PCDH11X: variants seen among roughly 807,000 people sequenced by gnomAD.
PCDH11X encodes the protein protocadherin-11 X-linked.
Under a neutral mutation model 53.3 loss-of-function variants are expected in PCDH11X, and 18 were observed. The ratio of observed to expected loss-of-function variants is 0.34; its 90% CI spans 0.23 to 0.50. PCDH11X has a LOEUF of 0.50. Ranked by LOEUF, PCDH11X falls within the 20% of genes least tolerant of loss-of-function variation. PCDH11X has a pLI of 0.98. For missense variants in PCDH11X, 570 were observed against 1,032.4 expected (o/e 0.55, Z 6.14); for synonymous variants, 279 against 393.3 (o/e 0.71, Z 3.44).
At chrX:92,261,025 TAAAAC>T (rs2148412852) in intron 7 of PCDH11X, among the ~76,000 whole-genome samples, 1 of 111,746 alleles carries the variant, frequency 8.9e-6, no homozygotes, top group South Asian at 3.8e-4. Context: ...ATATCTCTAT[TAAAAC>T]AGGAGTTGCT....
chrX:92,059,839 A>G lies in PCDH11X; in HGVS notation c.3034-141536A>G, dbSNP rs201647031. ...CTCTGCAAGCCTAGGCATCACTGCT[A>G]CTTAATCTTTCTGCTTACCTATTTC... On this transcript the variant is annotated intron_variant, in intron 6 of 10. Transcript: ENST00000682573. Among the ~76,000 whole-genome samples the G allele has an allele frequency of 2.7e-5, 3 of 110,119 alleles. No homozygotes were observed. In the South Asian group the frequency reaches 1.2e-3, roughly 43 times the overall value.
At chrX:92,298,787 G>T (rs757428300) in intron 8 of PCDH11X, among the ~76,000 whole-genome samples, 1 of 110,903 alleles carries the variant, frequency 9.0e-6, no homozygotes, top group Non-Finnish European at 1.9e-5. Flanking sequence ...GATGAACTAG[G>T]GGGGAAGAGA....
At chrX:92,255,015 G>C (rs1440956682) in intron 7 of PCDH11X, among the ~76,000 whole-genome samples, 44 of 95,706 alleles carry the variant, frequency 4.6e-4, no homozygotes, top group Admixed American at 3.5e-4. Flanking sequence ...AAGTTCTCCT[G>C]GATAATATCC....
intron 8 of PCDH11X, among the ~76,000 whole-genome samples, chrX:92,335,824 A>T (rs2069603710): frequency 9.0e-6 from 1 of 111,684 alleles, no homozygotes; most frequent in Non-Finnish European, 1.9e-5. Flanking sequence ...GTGTAGATAG[A>T]TAGATATTGG....
At chrX:92,576,011 TACACACAC>T (rs1243169398) in intron 10 of PCDH11X, among the ~76,000 whole-genome samples, 1 of 28,086 alleles carries the variant, frequency 3.6e-5, no homozygotes, top group East Asian at 7.7e-4. Flanking sequence ...TATATATATA[TACACACAC>T]ACACACACAC....
intron 6 of PCDH11X, among the ~76,000 whole-genome samples, chrX:91,914,346 A>G (rs761518290): frequency 9.0e-6 from 1 of 111,518 alleles, no homozygotes; most frequent in African/African-American, 3.3e-5. Context: ...ACACGGTTCT[A>G]TAACACCCCC....
chrX:91,892,234 G>C lies in PCDH11X; in HGVS notation c.3033+12961G>C, dbSNP rs191684160. The stretch of plus-strand genomic sequence containing the variant: ...CCAAAATACCCCTGACATTTGTCCC[G>C]TTGCCATTTCCTTTTTCCAGTCTTA... On this transcript the variant is annotated intron_variant, in intron 6 of 10. Transcript: ENST00000682573. Among the ~76,000 whole-genome samples, 699 of 106,230 alleles carry C rather than the reference G, an allele frequency of 6.6e-3. 5 individuals carry two copies. Among genetic ancestry groups the C allele is most frequent in the African/African-American group, 0.022 (652 of 29,396 alleles). The allele number at this position is 106,230 out of a possible 115,157, so 92.2% of individuals were successfully genotyped here.
intron 1 of PCDH11X, among the ~76,000 whole-genome samples, chrX:91,791,769 A>C (rs1413116309): frequency 9.6e-6 from 1 of 104,038 alleles, no homozygotes; most frequent in Non-Finnish European, 2.0e-5. Flanking sequence ...AGATAGCAAA[A>C]CATCTTCATA....
At chrX:92,379,675 C>G (rs1304859203) in intron 8 of PCDH11X, among the ~76,000 whole-genome samples, 1 of 108,898 alleles carries the variant, frequency 9.2e-6, no homozygotes, top group East Asian at 2.9e-4. Flanking sequence ...AGTGAGAATG[C>G]GTGCTTTTTC....
chrX:91,945,730 A>C (rs2061565195), intron 6 of PCDH11X, among the ~76,000 whole-genome samples: 1 of 109,485 alleles, frequency 9.1e-6, no homozygotes, highest in African/African-American at 3.3e-5. Context: ...AAAGAATTAT[A>C]GTAGGCTCTT....
At chrX:92,395,463 C>T (rs749905950) in intron 9 of PCDH11X, among the ~76,000 whole-genome samples, 17 of 111,042 alleles carry the variant, frequency 1.5e-4, no homozygotes, top group East Asian at 8.5e-4. Flanking sequence ...AACTCTAGTC[C>T]GTTTACTACA....
Position 92,559,440 on chromosome X carries a change from T to TACACAC in PCDH11X, c.3368-58799_3368-58794dup, listed in dbSNP as rs199701051. ...AATACCAAATTTTAACAAGTATCTT[T>TACACAC]ACACACACACACACACACACACACA... is the stretch of plus-strand genomic sequence containing the variant. On this transcript the variant is annotated intron_variant, in intron 10 of 10. Coordinates refer to ENST00000682573, the MANE Select transcript of PCDH11X (RefSeq NM_032968.5). Among the ~76,000 whole-genome samples, 311 of 100,478 alleles carry TACACAC rather than the reference T, an allele frequency of 3.1e-3. 2 individuals are homozygous for TACACAC. Among genetic ancestry groups the TACACAC allele is most frequent in the Middle Eastern group, 0.026 (5 of 195 alleles). The allele number at this position is 100,478 out of a possible 115,157, so 87.3% of individuals were successfully genotyped here.
Position 91,879,074 on chromosome X carries a change from A to G in PCDH11X, c.2834A>G (p.Gln945Arg). 3.3e-6 allele frequency: 4 copies of G among 1,211,464 alleles called. No individual in the cohort carries two copies. The South Asian group carries it at 7.0e-5, about 21-fold the overall frequency. Residue 945 changes from glutamine to arginine, a missense_variant, in exon 6 of 11, where the codon CAG (glutamine) becomes CGG (arginine). Physicochemically the swap from Gln to Arg is conservative, Grantham distance 43. Around this residue, in one of 6 missense-constraint regions of PCDH11X, gnomAD observed 226 missense variants for 457.5 expected, o/e 0.49. Transcript: ENST00000682573. ...CGACACTACAAATCTGCCTCTCCAC[A>G]GCCTGCCTTCCAAATTCAGCCTGAA... ...LARHYKSASPQPAFQIQPETP... is the reference protein window; with the variant it reads ...LARHYKSASPRPAFQIQPETP...
intron 9 of PCDH11X, among the ~76,000 whole-genome samples, chrX:92,454,181 A>T (rs1196129349): frequency 9.7e-6 from 1 of 103,283 alleles, no homozygotes; most frequent in East Asian, 2.9e-4. Context: ...TATTATAATT[A>T]TATATAATTA....
chrX:92,473,639 G>GT (rs771945576), intron 10 of PCDH11X, among the ~76,000 whole-genome samples: 1 of 110,682 alleles, frequency 9.0e-6, no homozygotes, highest in Admixed American at 9.6e-5. Flanking sequence ...GGCTCAGTAT[G>GT]TTGTGTGTCC....
chrX:92,582,725 A>G (rs1227371245), intron 10 of PCDH11X, among the ~76,000 whole-genome samples: 6 of 110,949 alleles, frequency 5.4e-5, no homozygotes, highest in Non-Finnish European at 1.1e-4. Flanking sequence ...AGCTTGCACC[A>G]TGCACCTGGA....
intron 6 of PCDH11X, among the ~76,000 whole-genome samples, chrX:92,194,227 G>C (rs953956378): frequency 9.0e-6 from 1 of 111,517 alleles, no homozygotes; most frequent in Non-Finnish European, 1.9e-5. Context: ...TTCTCAGAGA[G>C]GTGAAAATAA....
chrX:91,997,022 T>A (rs2062432308), intron 6 of PCDH11X, among the ~76,000 whole-genome samples: 1 of 95,748 alleles, frequency 1.0e-5, no homozygotes, highest in Admixed American at 1.2e-4. Flanking sequence ...ATTACTTTTT[T>A]AATAGTTAGT....
intron 6 of PCDH11X, among the ~76,000 whole-genome samples, chrX:91,917,791 A>G (rs1011992486): frequency 1.8e-5 from 2 of 109,606 alleles, no homozygotes; most frequent in African/African-American, 6.6e-5. Context: ...TCAAAGTGCC[A>G]TAATCATTCT....
Sources: allele counts gnomAD v4.1 joint callset (sites outside exome capture counted in the v4.1 genomes callset), GRCh38; gene constraint gnomAD v4.1.1; regional missense constraint gnomAD v4.1.1; transcripts MANE v1.5; gene names NCBI Gene and HGNC (gene_info 2026-07-23, HGNC 2026-07-21).